The following TDRD1 variants were observed in gnomAD, a reference collection of about 807,000 sequenced individuals.
TDRD1 encodes tudor domain containing 1, also known as tudor domain-containing protein 1.
A neutral mutation model predicts 140.6 loss-of-function variants in TDRD1; 37 were observed. The observed-to-expected ratio is 0.26, with a 90% CI of 0.20 to 0.35. The LOEUF (loss-of-function observed/expected upper bound fraction) is 0.35. TDRD1 is among the 10% of genes least tolerant of loss of function. The pLI, the probability that TDRD1 is intolerant of heterozygous loss-of-function variation, is 1.00. For missense variants in TDRD1, 1,243 were observed against 1,393.0 expected (o/e 0.89, Z 1.71); for synonymous variants, 506 against 475.7 (o/e 1.06, Z -0.83).
At chr10:114,204,838 C>T (rs2034998868) in exon 10 of TDRD1, 1 of 1,597,676 alleles carries the variant, frequency 6.3e-7, no homozygotes, top group Non-Finnish European at 8.5e-7. Flanking sequence ...AGATTGTCGA[C>T]ATCTTGGAAG....
At chr10:114,182,690 C>CTTTT (rs34137706) in intron 1 of TDRD1, among the ~76,000 whole-genome samples, 3 of 144,568 alleles carry the variant, frequency 2.1e-5, no homozygotes, top group Non-Finnish European at 3.0e-5. Context: ...ATACGAATAT[C>CTTTT]TTTTTTTTTT....
rs974199810 is a variant in TDRD1 at position 114,229,841 on chromosome 10, AT to A, written c.3539-1636del. On this transcript the variant is annotated intron_variant, in intron 25 of 25. Coordinates refer to ENST00000251864, the Ensembl canonical transcript of TDRD1. Reference sequence around the variant, plus strand: ...TATTTTTTTTTTATTTTTTATTTTTATTTTTTTTTGAGACAGTCTCGCTCTG... The same window carrying A: ...TATTTTTTTTTTATTTTTTATTTTTATTTTTTTTGAGACAGTCTCGCTCTG... 8.5e-5 allele frequency among the ~76,000 whole-genome samples: 11 copies of A among 128,742 alleles called. No individual in the cohort carries two copies. In the East Asian group the frequency reaches 1.2e-3, roughly 14 times the overall value. 84.5% of individuals were successfully genotyped at this position (128,742 alleles called of 152,430 possible).
chr10:114,199,372 T>A (rs2034578188), intron 4 of TDRD1, 55 bp downstream of exon 4: 1 of 1,554,076 alleles, frequency 6.4e-7, no homozygotes, highest in Non-Finnish European at 8.7e-7. Flanking sequence ...TTGAAAAACA[T>A]TTTTATTGTG....
intron 14 of TDRD1, 98 bp downstream of exon 14, chr10:114,212,134 A>G (rs1030253751): frequency 2.7e-6 from 3 of 1,114,234 alleles, no homozygotes; most frequent in Non-Finnish European, 2.5e-6. Context: ...TCTCAAAACA[A>G]CATCATGATC....
chr10:114,191,574 T>C (rs2033970091), intron 3 of TDRD1, among the ~76,000 whole-genome samples: 1 of 152,244 alleles, frequency 6.6e-6, no homozygotes, highest in Admixed American at 6.5e-5. Context: ...ATCCTTTTTA[T>C]TGCTGAGTAG....
chr10:114,216,132 G>A (rs1435121599), intron 16 of TDRD1, among the ~76,000 whole-genome samples: 1 of 152,214 alleles, frequency 6.6e-6, no homozygotes, highest in Non-Finnish European at 1.5e-5. Context: ...CCTGTAGTTA[G>A]CATGTGATCG....
At chr10:114,218,917 AG>A (rs2035971752) in intron 18 of TDRD1, among the ~76,000 whole-genome samples, 1 of 152,234 alleles carries the variant, frequency 6.6e-6, no homozygotes. Context: ...TGCACAGAAT[AG>A]GTTACAAAAA....
chr10:114,177,219 ACT>A (rs1199775531), upstream of TDRD1, among the ~76,000 whole-genome samples: 1 of 152,078 alleles, frequency 6.6e-6, no homozygotes, highest in Admixed American at 6.6e-5. Context: ...GGACAACATA[ACT>A]CCCTACTCCT....
chr10:114,215,173 CTG>C lies in TDRD1; in HGVS notation c.2212+1062_2212+1063del, dbSNP rs559412922. On this transcript the variant is annotated intron_variant, in intron 16 of 25. Transcript: ENST00000251864. ...CTGAGCCTTGCTGCTGCCCCCTGCACTGTGAGATTGTTACATGTCTGTACCTT... is the reference window on the plus strand; with the variant it reads ...CTGAGCCTTGCTGCTGCCCCCTGCACTGAGATTGTTACATGTCTGTACCTT... Among the ~76,000 whole-genome samples, 678 of 152,300 alleles carry C rather than the reference CTG, an allele frequency of 4.5e-3. 5 individuals carry two copies. Among genetic ancestry groups the C allele is most frequent in the Non-Finnish European group, 5.5e-3 (371 of 68,024 alleles).
chr10:114,229,922 C>T (rs2036661809), intron 25 of TDRD1, among the ~76,000 whole-genome samples: 1 of 151,812 alleles, frequency 6.6e-6, no homozygotes, highest in Non-Finnish European at 1.5e-5. Flanking sequence ...CCTCCGCCTC[C>T]CGGGTTCATG....
chr10:114,181,044 A>G (rs1339511804), intron 1 of TDRD1, among the ~76,000 whole-genome samples: 1 of 152,214 alleles, frequency 6.6e-6, no homozygotes, highest in Admixed American at 6.5e-5. Flanking sequence ...TTCAGGACTT[A>G]ATGGGTTCAA....
chr10:114,182,866 A>G (rs1162383263), intron 1 of TDRD1, among the ~76,000 whole-genome samples: 1 of 151,854 alleles, frequency 6.6e-6, no homozygotes, highest in African/African-American at 2.4e-5. Context: ...TTGTATTTTT[A>G]GTAGAGACGG....
chr10:114,193,190 G>A (rs997991389), intron 3 of TDRD1, among the ~76,000 whole-genome samples: 1 of 149,366 alleles, frequency 6.7e-6, no homozygotes, highest in African/African-American at 2.5e-5. Flanking sequence ...TTGAGTAATT[G>A]TAAATACTGT....
Position 114,221,968 on chromosome 10 carries a change from G to T in TDRD1, c.2890+492G>T, listed in dbSNP as rs560128820. Among the ~76,000 whole-genome samples, 19 of 152,290 alleles carry T rather than the reference G, an allele frequency of 1.2e-4. No homozygotes were observed. In the South Asian group the frequency reaches 3.5e-3, roughly 28 times the overall value. On this transcript the variant is annotated intron_variant, in intron 20 of 25. Transcript: ENST00000251864. ...ATTAAGGAATCTCTTAAATGTATAT[G>T]ACTTTATCCTTGTAGTATCTGAAGA...
chr10:114,214,199 A>G (rs2035664787), intron 16 of TDRD1, 85 bp downstream of exon 16: 1 of 1,207,816 alleles, frequency 8.3e-7, no homozygotes, highest in Non-Finnish European at 1.2e-6. Context: ...CTAAGTGATA[A>G]AAGTACCTCT....
intron 25 of TDRD1, chr10:114,228,708 C>G: frequency 1.0e-6 from 1 of 985,360 alleles, no homozygotes; most frequent in South Asian, 4.7e-5. Context: ...CCTCCCCACC[C>G]CACCCCCATA....
At chr10:114,225,731 C>T (rs1346517153) in intron 21 of TDRD1, among the ~76,000 whole-genome samples, 1 of 151,934 alleles carries the variant, frequency 6.6e-6, no homozygotes, top group Non-Finnish European at 1.5e-5. Context: ...GTGGTGTATA[C>T]CTGTATTCCC....
intron 4 of TDRD1, 41 bp downstream of exon 4, chr10:114,199,358 A>T: frequency 1.3e-6 from 2 of 1,559,470 alleles, no homozygotes; most frequent in Non-Finnish European, 1.7e-6. Context: ...CTTCTTCCAC[A>T]TATTTGAAAA....
intron 4 of TDRD1, 135 bp downstream of exon 4, chr10:114,199,452 G>C: frequency 9.2e-7 from 1 of 1,091,468 alleles, no homozygotes; most frequent in Non-Finnish European, 1.3e-6. Flanking sequence ...AGCCTCAGCA[G>C]CTGTCAGCAT....
Sources: gnomAD v4.1 joint callset for allele counts (sites outside exome capture counted in the v4.1 genomes callset) on GRCh38, gnomAD v4.1.1 for gene constraint, MANE v1.5 for transcripts, NCBI Gene and HGNC (gene_info 2026-07-23, HGNC 2026-07-21) for gene names.